APBB2: variants seen among roughly 807,000 people sequenced by gnomAD.
APBB2 encodes the protein Fe65-like 1.
APBB2 carries 38 observed loss-of-function variants against 82.5 expected under a neutral mutation model. The observed-to-expected ratio is 0.46, with a 90% CI of 0.36 to 0.60. The LOEUF is 0.60. Ranked by LOEUF, APBB2 falls within the 20% of genes least tolerant of loss-of-function variation. APBB2 has a pLI of 0.00. For missense variants in APBB2, 772 were observed against 972.3 expected, an observed-to-expected ratio of 0.79 and a Z score of 2.74; for synonymous variants, 341 against 368.2, an observed-to-expected ratio of 0.93 and a Z score of 0.85.
intron 1 of APBB2, among the ~76,000 whole-genome samples, chr4:41,190,032 T>C (rs1297150654): frequency 6.6e-6 from 1 of 152,204 alleles, no homozygotes; most frequent in Non-Finnish European, 1.5e-5. Context: ...AAAAGTCACA[T>C]CTTCTTTCAT....
chr4:40,914,186 C>G (rs574210811), intron 10 of APBB2, among the ~76,000 whole-genome samples: 4 of 151,976 alleles, frequency 2.6e-5, no homozygotes, highest in Non-Finnish European at 5.9e-5. Flanking sequence ...CTGGCTAACA[C>G]GGTGAAACCC....
At chr4:41,153,751 C>T (rs62409972) in intron 1 of APBB2, among the ~76,000 whole-genome samples, 7,451 of 152,120 alleles carry the variant, frequency 0.049, 397 homozygotes, top group African/African-American at 0.13. Flanking sequence ...ACTGGCACTC[C>T]GGCTGTCAGA....
intron 6 of APBB2, among the ~76,000 whole-genome samples, chr4:41,006,179 G>T (rs893711566): frequency 7.2e-5 from 11 of 152,140 alleles, no homozygotes; most frequent in Non-Finnish European, 1.3e-4. Context: ...TCTTTCTTAA[G>T]TTCAGGGGGG....
At chr4:41,080,696 T>TC (rs1430753775) in intron 3 of APBB2, among the ~76,000 whole-genome samples, 1 of 121,968 alleles carries the variant, frequency 8.2e-6, no homozygotes, top group African/African-American at 2.9e-5. Flanking sequence ...ATGTAAATGC[T>TC]CCTTTTTTTT....
intron 17 of APBB2, among the ~76,000 whole-genome samples, chr4:40,818,030 C>T (rs1435446144): frequency 6.6e-6 from 1 of 152,216 alleles, no homozygotes; most frequent in Non-Finnish European, 1.5e-5. Flanking sequence ...AAGGGTCCCT[C>T]TCTGTTCTAT....
At chr4:41,054,172 T>G (rs768449491) in intron 4 of APBB2, among the ~76,000 whole-genome samples, 8 of 152,142 alleles carry the variant, frequency 5.3e-5, no homozygotes, top group Non-Finnish European at 1.0e-4. Context: ...CTGCTGTACA[T>G]CCAGGCATCT....
At chr4:40,917,973 A>G (rs1253170504) in intron 10 of APBB2, among the ~76,000 whole-genome samples, 1 of 152,254 alleles carries the variant, frequency 6.6e-6, no homozygotes, top group Admixed American at 6.5e-5. Flanking sequence ...TATCTAGGTT[A>G]TAATTCCACA....
chr4:41,101,616 T>C (rs1044064988), intron 2 of APBB2, among the ~76,000 whole-genome samples: 5 of 152,026 alleles, frequency 3.3e-5, no homozygotes, highest in Admixed American at 3.3e-4. Flanking sequence ...GCCGTGTTCA[T>C]TTTTTCCTAA....
At chr4:40,973,912 C>T (rs12506908) in intron 6 of APBB2, among the ~76,000 whole-genome samples, 14,087 of 150,516 alleles carry the variant, frequency 0.094, 776 homozygotes, top group Admixed American at 0.15. Context: ...AGTGCAGTGG[C>T]GCGATCTCGG....
chr4:40,964,893 G>A (rs1194507842), intron 6 of APBB2, among the ~76,000 whole-genome samples: 1 of 148,134 alleles, frequency 6.8e-6, no homozygotes, highest in Non-Finnish European at 1.5e-5. Flanking sequence ...GGCCAAGGCG[G>A]GCAGATCACG....
intron 10 of APBB2, among the ~76,000 whole-genome samples, chr4:40,928,381 A>G (rs554890419): frequency 3.9e-4 from 57 of 146,322 alleles, no homozygotes; most frequent in African/African-American, 1.4e-3. Context: ...CATCTCTACT[A>G]AAGAAAACAC....
intron 5 of APBB2, among the ~76,000 whole-genome samples, chr4:41,021,195 C>T (rs1382913865): frequency 1.3e-5 from 2 of 152,170 alleles, no homozygotes; most frequent in Non-Finnish European, 2.9e-5. Context: ...ACCCCTGAAC[C>T]GACCCGCTGG....
intron 10 of APBB2, among the ~76,000 whole-genome samples, chr4:40,914,171 C>T (rs1481958661): frequency 6.6e-6 from 1 of 152,064 alleles, no homozygotes; most frequent in Non-Finnish European, 1.5e-5. Context: ...GAGATCAAGA[C>T]CATCCTGGCT....
intron 6 of APBB2, among the ~76,000 whole-genome samples, chr4:40,967,967 A>T (rs1339185749): frequency 6.6e-6 from 1 of 152,186 alleles, no homozygotes; most frequent in African/African-American, 2.4e-5. Context: ...AGAGTCCGAT[A>T]ATTTACATTC....
Position 40,814,808 on chromosome 4 carries a change from T to C in APBB2, c.*1284A>G, listed in dbSNP as rs1234141398. ...ACGAAGGAGCAGGAAAATGCTGTTT[T>C]GGGAAACTTGTTAAACAGTCCATTA... On this transcript the variant is annotated 3_prime_UTR_variant, in exon 18 of 18. Coordinates refer to ENST00000508593, the MANE Select transcript of APBB2 (RefSeq NM_004307.2). 2.0e-5 allele frequency: 3 copies of C among 152,250 alleles called. No homozygotes were observed. Among genetic ancestry groups the C allele is most frequent in the Non-Finnish European group, 4.4e-5 (3 of 68,040 alleles). 9.4% of individuals were successfully genotyped at this position (152,250 alleles called of 1,614,324 possible). A position where few individuals can be genotyped will look rare whatever the true frequency, so the allele number is the denominator to read the frequency against.
At chr4:40,934,777 C>A (rs773890731) in intron 8 of APBB2, 78 bp from the exon 9 acceptor site, 8 of 1,065,246 alleles carry the variant, frequency 7.5e-6, no homozygotes, top group South Asian at 1.4e-5. Flanking sequence ...AGGGGAGAAA[C>A]GTCTTCCCAG....
chr4:41,082,004 A>T (rs1167851259), intron 3 of APBB2, among the ~76,000 whole-genome samples: 1 of 151,932 alleles, frequency 6.6e-6, no homozygotes, highest in East Asian at 1.9e-4. Flanking sequence ...TGACACAGTT[A>T]CTGGCAACAG....
At chr4:40,924,450 T>G (rs1422182367) in intron 10 of APBB2, among the ~76,000 whole-genome samples, 1 of 152,212 alleles carries the variant, frequency 6.6e-6, no homozygotes, top group Non-Finnish European at 1.5e-5. Flanking sequence ...CTGACAACTC[T>G]GAACAACAGA....
intron 12 of APBB2, among the ~76,000 whole-genome samples, chr4:40,883,731 G>A (rs1046186380): frequency 6.6e-6 from 1 of 150,906 alleles, no homozygotes; most frequent in African/African-American, 2.4e-5. Context: ...AAAAAAAATG[G>A]GCCCTTTCCA....
Sources: allele counts gnomAD v4.1 joint callset (sites outside exome capture counted in the v4.1 genomes callset), GRCh38; gene constraint gnomAD v4.1.1; transcripts MANE v1.5; gene names NCBI Gene and HGNC (gene_info 2026-07-23, HGNC 2026-07-21).